The following ZNF484 variants were observed in gnomAD, a reference collection of about 807,000 sequenced individuals.
ZNF484 encodes the protein zinc finger protein 484.
A neutral mutation model predicts 12.9 loss-of-function variants in ZNF484; 11 were observed. The ratio of observed to expected loss-of-function variants is 0.85; its 90% CI spans 0.54 to 1.41. The LOEUF is 1.41. Ranked by LOEUF, ZNF484 falls within the 40% of genes most tolerant of loss-of-function variation. The pLI, the probability that ZNF484 is intolerant of heterozygous loss-of-function variation, is 0.00. For synonymous variants in ZNF484, 289 were observed against 334.1 expected (o/e 0.86, Z 1.47); for missense variants, 807 against 1,007.7 (o/e 0.80, Z 2.70).
chr9:92,860,477 G>A (rs866491911), intron 2 of ZNF484, among the ~76,000 whole-genome samples: 40 of 151,776 alleles, frequency 2.6e-4, no homozygotes, highest in Middle Eastern at 3.4e-3. Flanking sequence ...GGTGGCGGGC[G>A]CCTGTAGTCC....
Position 92,846,419 on chromosome 9 carries a change from T to A in ZNF484, c.2368A>T (p.Asn790Tyr). The A allele has an allele frequency of 6.2e-7, 1 of 1,614,146 alleles. No individual in the cohort carries two copies. Among genetic ancestry groups the A allele is most frequent in the Non-Finnish European group, 8.5e-7 (1 of 1,180,004 alleles). ...TGAATTTTCTGGTGTTTAATAAGAT[T>A]TGATCTGATGGTGAAGGCCTTTCCA... ...ECGKAFTIRS[N>Y]LIKHQKIHTK... The change falls in exon 5 of 5, where the codon AAT (asparagine) becomes TAT (tyrosine). Residue 790 changes from asparagine to tyrosine, a missense_variant. Transcript: ENST00000375495.
chr9:92,866,669 C>A (rs1387866745), intron 2 of ZNF484, among the ~76,000 whole-genome samples: 1 of 150,410 alleles, frequency 6.6e-6, no homozygotes, highest in Non-Finnish European at 1.5e-5. Context: ...ATAAATCATT[C>A]TACTATAAAG....
rs1206497611 is a variant in ZNF484 at position 92,856,405 on chromosome 9, C to T, written c.16-87G>A. ...AAAAAAACCTTTCAATGTGAAGGAT[C>T]GAGATTACAGAATGGAAACAAGATA... On this transcript the variant is annotated intron_variant, in intron 2 of 4. Transcript: ENST00000375495. The T allele has an allele frequency of 8.0e-6, 9 of 1,123,990 alleles. No individual in the cohort carries two copies. The South Asian group carries it at 8.2e-5, about 10-fold the overall frequency. The allele number at this position is 1,123,990 out of a possible 1,614,324, so 69.6% of individuals were successfully genotyped here.
chr9:92,857,025 A>G (rs1366586744), intron 2 of ZNF484, among the ~76,000 whole-genome samples: 1 of 152,166 alleles, frequency 6.6e-6, no homozygotes, highest in African/African-American at 2.4e-5. Flanking sequence ...CACCCAGCCT[A>G]ATATGGTACA....
intron 4 of ZNF484, among the ~76,000 whole-genome samples, chr9:92,852,827 G>A (rs1856191185): frequency 6.6e-6 from 1 of 152,054 alleles, no homozygotes; most frequent in Non-Finnish European, 1.5e-5. Context: ...GTGAGCCACT[G>A]TGCCCAGCCA....
chr9:92,856,117 T>A, intron 3 of ZNF484, 75 bp downstream of exon 3: 2 of 1,580,224 alleles, frequency 1.3e-6, no homozygotes, highest in African/African-American at 2.7e-5. Context: ...AACACAGACT[T>A]CAGCAATTCT....
At position 92,851,368 on chromosome 9, in the gene ZNF484, G is replaced by A. The variant is rs1856065387; in HGVS notation, c.236-2817C>T. ...AATTAAAAGAAGAATACTACTTCAC[G>A]ACATATGAAAATTATATGAAATTCA... On this transcript the variant is annotated intron_variant, in intron 4 of 4. Coordinates refer to ENST00000375495, the MANE Select transcript of ZNF484 (RefSeq NM_031486.4). 2.6e-5 allele frequency among the ~76,000 whole-genome samples: 4 copies of A among 152,140 alleles called. No individual in the cohort carries two copies. The South Asian group carries it at 8.3e-4, about 32-fold the overall frequency.
chr9:92,850,410 C>G (rs2131598539), intron 4 of ZNF484, among the ~76,000 whole-genome samples: 1 of 152,272 alleles, frequency 6.6e-6, no homozygotes, highest in East Asian at 1.9e-4. Context: ...TCTCTTCTCC[C>G]TATGATCCAC....
intron 2 of ZNF484, among the ~76,000 whole-genome samples, chr9:92,871,901 G>C (rs1293474920): frequency 6.6e-6 from 1 of 152,176 alleles, no homozygotes; most frequent in Non-Finnish European, 1.5e-5. Context: ...AGATTATCTG[G>C]GTGGGCTGAA....
At chr9:92,856,167 C>G (rs1404758868) in intron 3 of ZNF484, 25 bp downstream of exon 3, 7 of 1,611,638 alleles carry the variant, frequency 4.3e-6, no homozygotes, top group Non-Finnish European at 5.1e-6. Context: ...GCAGCCTACT[C>G]TATACCCAGC....
At chr9:92,863,581 A>G (rs1348102008) in intron 2 of ZNF484, among the ~76,000 whole-genome samples, 3 of 152,208 alleles carry the variant, frequency 2.0e-5, no homozygotes, top group Non-Finnish European at 4.4e-5. Flanking sequence ...ATTGGTGTAG[A>G]TAGTAGGTAA....
Position 92,847,814 on chromosome 9 carries a change from C to T in ZNF484, c.973G>A (p.Gly325Arg), listed in dbSNP as rs781584916. Residue 325 changes from glycine (G) to arginine (R), a missense_variant, in exon 5 of 5, where the codon GGG (glycine) becomes AGG (arginine). Gly to Arg is a moderately radical substitution (Grantham distance 125). Transcript: ENST00000375495. The part of the protein sequence containing the change: ...KSNRQKTPYE[G>R]NYYKCSDYGR... ...TAGTCACTGCATTTATAGTAATTCC[C>T]CTCATAAGGAGTTTTCTGACGGTTT... is the stretch of plus-strand genomic sequence containing the variant. 3 of 1,613,928 alleles carry T rather than the reference C, an allele frequency of 1.9e-6. No individual in the cohort carries two copies. In the African/African-American group the frequency reaches 4.0e-5, roughly 22 times the overall value.
intron 4 of ZNF484, among the ~76,000 whole-genome samples, chr9:92,852,786 C>T (rs1223616738): frequency 6.6e-6 from 1 of 150,744 alleles, no homozygotes; most frequent in East Asian, 2.0e-4. Flanking sequence ...ATCCACCCAC[C>T]TCAGCCTCCC....
At chr9:92,852,015 G>C (rs911344648) in intron 4 of ZNF484, among the ~76,000 whole-genome samples, 1 of 152,138 alleles carries the variant, frequency 6.6e-6, no homozygotes, top group East Asian at 1.9e-4. Flanking sequence ...AGTTTTTCTA[G>C]CCCTTTGAAT....
chr9:92,869,431 C>A (rs771376715), intron 2 of ZNF484, among the ~76,000 whole-genome samples: 1 of 53,840 alleles, frequency 1.9e-5, no homozygotes, highest in South Asian at 3.9e-4. Flanking sequence ...TTATGATATA[C>A]CCATATTAGG....
chr9:92,865,386 A>G (rs1026211060), intron 2 of ZNF484, among the ~76,000 whole-genome samples: 2 of 152,266 alleles, frequency 1.3e-5, no homozygotes, highest in Non-Finnish European at 2.9e-5. Context: ...AGAAGTGTAC[A>G]TGACAATGAA....
At position 92,855,854 on chromosome 9, in the gene ZNF484, C is replaced by T; in HGVS notation, c.192G>A (p.Glu64=). 1 of 1,614,152 alleles carries T rather than the reference C, an allele frequency of 6.2e-7. No homozygotes were observed. The highest frequency in any genetic ancestry group is 8.5e-7 in the Non-Finnish European group (1 of 1,180,018). Residue 64 remains glutamate (E), a synonymous_variant, in exon 4 of 5, where the codon GAG becomes GAA. Coordinates refer to ENST00000375495, the MANE Select transcript of ZNF484 (RefSeq NM_031486.4). ...PEVIFSLEQE[E]PCMLDGEIPS... The stretch of plus-strand genomic sequence containing the variant: ...GGATCTCACCATCCAACATACATGG[C>T]TCTTCTTGTTCCAAGCTGAAGATGA...
rs1336452471 is a variant in ZNF484 at position 92,847,501 on chromosome 9, G to A, written c.1286C>T (p.Thr429Ile). ...TTCTCCAGTATGAATTCTTTCATGT[G>A]TGATAAAATGTGACTTCCGGATAAA... ...KAFIRKSHFI[T>I]HERIHTGEKP... The change falls in exon 5 of 5, where the codon ACA becomes ATA. Residue 429 changes from threonine to isoleucine, a missense_variant. Thr to Ile is a moderately conservative substitution (Grantham distance 89). Transcript: ENST00000375495. 5 of 1,612,680 alleles carry A rather than the reference G, an allele frequency of 3.1e-6. No individual in the cohort carries two copies. The highest frequency in any genetic ancestry group is 1.7e-5 in the Admixed American group (1 of 59,758).
At chr9:92,854,179 G>A (rs1284462606) in intron 4 of ZNF484, among the ~76,000 whole-genome samples, 1 of 152,132 alleles carries the variant, frequency 6.6e-6, no homozygotes, top group Non-Finnish European at 1.5e-5. Context: ...GATGTTCAAA[G>A]TATTTTATTA....
Sources: gnomAD v4.1 joint callset for allele counts (sites outside exome capture counted in the v4.1 genomes callset) on GRCh38, gnomAD v4.1.1 for gene constraint, MANE v1.5 for transcripts, NCBI Gene and HGNC (gene_info 2026-07-23, HGNC 2026-07-21) for gene names.